The following LRP1B variants were observed in gnomAD, a reference collection of about 807,000 sequenced individuals.
LRP1B encodes LDL receptor related protein 1B, also known as low-density lipoprotein receptor-related protein 1B.
A neutral mutation model predicts 556.6 loss-of-function variants in LRP1B; 217 were observed. That is an observed-to-expected ratio of 0.39 (90% CI 0.35 to 0.44). LRP1B has a LOEUF of 0.44. LRP1B is among the 20% of genes least tolerant of loss of function. LRP1B has a pLI of 1.00. For synonymous variants in LRP1B, 2,047 were observed against 1,865.8 expected (o/e 1.10, Z -2.50); for missense variants, 5,053 against 5,620.8 (o/e 0.90, Z 3.23).
chr2:141,927,491 A>G (rs538465413), intron 1 of LRP1B, among the ~76,000 whole-genome samples: 3 of 152,268 alleles, frequency 2.0e-5, no homozygotes, highest in East Asian at 3.9e-4. Context: ...TTCTTATTAT[A>G]TGGTAGACAT....
Position 141,199,110 on chromosome 2 carries a change from T to C in LRP1B, c.851-10527A>G, listed in dbSNP as rs538782972. On this transcript the variant is annotated intron_variant, in intron 6 of 90. Transcript: ENST00000389484. ...ATGACACCATAGAAGAAATCAGTGC[T>C]CCTTGTGATCAGGGTTCTGTTTCAG... 3.8e-4 allele frequency among the ~76,000 whole-genome samples: 58 copies of C among 152,234 alleles called. 1 individual carries two copies. Among genetic ancestry groups the C allele is most frequent in the Admixed American group, 3.8e-3 (58 of 15,272 alleles).
chr2:140,449,887 G>T (rs1348707170), intron 63 of LRP1B, among the ~76,000 whole-genome samples: 1 of 152,144 alleles, frequency 6.6e-6, no homozygotes, highest in South Asian at 2.1e-4. Flanking sequence ...CAATCTGACA[G>T]TGAAGTATTG....
chr2:140,264,827 A>T (rs1322788876), intron 86 of LRP1B, among the ~76,000 whole-genome samples: 1 of 152,046 alleles, frequency 6.6e-6, no homozygotes, highest in Non-Finnish European at 1.5e-5. Flanking sequence ...TATGTGCCAC[A>T]CACAGGGATA....
intron 35 of LRP1B, among the ~76,000 whole-genome samples, chr2:140,765,755 A>G (rs1689080702): frequency 6.6e-6 from 1 of 152,182 alleles, no homozygotes; most frequent in Non-Finnish European, 1.5e-5. Flanking sequence ...GTTAATTCTT[A>G]TGAAATGCAC....
intron 7 of LRP1B, among the ~76,000 whole-genome samples, chr2:141,074,587 C>CTATATA (rs1457349404): frequency 1.7e-3 from 144 of 85,688 alleles, no homozygotes; most frequent in African/African-American, 5.1e-3. Context: ...CTCTCTCTCT[C>CTATATA]TCTATATATA....
At chr2:141,182,218 G>A (rs1681031360) in intron 7 of LRP1B, among the ~76,000 whole-genome samples, 1 of 151,964 alleles carries the variant, frequency 6.6e-6, no homozygotes, top group Non-Finnish European at 1.5e-5. Flanking sequence ...AAAATATTTA[G>A]ATATTTAATA....
rs1259210165 is a variant in LRP1B at position 140,335,672 on chromosome 2, C to G, written c.12059G>C (p.Arg4020Thr). The change falls in exon 78 of 91, where the codon AGA becomes ACA. Residue 4020 changes from arginine (R) to threonine (T), a missense_variant. By Grantham distance (71) the Arg-to-Thr change is moderately conservative. This residue lies in a region of LRP1B where 599 missense variants were observed against 648.4 expected (regional missense o/e 0.92). Transcript: ENST00000389484. ...VGQLNGPNCT[R>T]LLTNMAGEPY... ...TTCTCCAGCCATATTTGTTAAGAGT[C>G]TGGTGCAGTTGGGGCCATTCAGCTG... The G allele has an allele frequency of 2.5e-6, 4 of 1,612,714 alleles. No individual in the cohort carries two copies. The highest frequency in any genetic ancestry group is 3.4e-6 in the Non-Finnish European group (4 of 1,179,176).
intron 10 of LRP1B, among the ~76,000 whole-genome samples, chr2:141,052,226 G>A (rs1574024042): frequency 6.6e-6 from 1 of 151,624 alleles, no homozygotes; most frequent in East Asian, 1.9e-4. Flanking sequence ...GATGTCAAGG[G>A]CATTTCTTTT....
At chr2:141,331,312 A>T (rs887377101) in intron 3 of LRP1B, among the ~76,000 whole-genome samples, 38 of 152,176 alleles carry the variant, frequency 2.5e-4, no homozygotes, top group East Asian at 1.9e-4. Context: ...AATGAATTTT[A>T]AAAAAGTATT....
At chr2:140,391,439 A>G (rs898086867) in intron 66 of LRP1B, among the ~76,000 whole-genome samples, 1 of 152,148 alleles carries the variant, frequency 6.6e-6, no homozygotes, top group Non-Finnish European at 1.5e-5. Context: ...AAGTTTCTGT[A>G]TCTTGTTTTG....
chr2:141,075,711 G>A (rs1699769256), intron 7 of LRP1B, among the ~76,000 whole-genome samples: 4 of 152,248 alleles, frequency 2.6e-5, no homozygotes, highest in Admixed American at 2.6e-4. Context: ...TAACACAGAT[G>A]GCTGTCTCAA....
At chr2:141,706,415 C>A (rs1055058053) in intron 2 of LRP1B, among the ~76,000 whole-genome samples, 6 of 152,068 alleles carry the variant, frequency 3.9e-5, no homozygotes, top group Admixed American at 2.0e-4. Context: ...AGGAAATCCT[C>A]AGTAAACATT....
chr2:141,323,974 T>A (rs1482743859), intron 3 of LRP1B, among the ~76,000 whole-genome samples: 35 of 32,048 alleles, frequency 1.1e-3, no homozygotes, highest in South Asian at 2.1e-3. Flanking sequence ...ATACATGTAC[T>A]CACATACCTG....
chr2:141,407,110 A>G (rs1433249934), intron 3 of LRP1B, among the ~76,000 whole-genome samples: 1 of 141,820 alleles, frequency 7.1e-6, no homozygotes, highest in Middle Eastern at 3.3e-3. Context: ...GAAGAAGCAC[A>G]TACTTTTTGG....
chr2:140,718,242 G>A (rs72981838), intron 35 of LRP1B, among the ~76,000 whole-genome samples: 3,236 of 151,768 alleles, frequency 0.021, 98 homozygotes, highest in African/African-American at 0.072. Context: ...CCCTTTCCAC[G>A]GTGGTGTGAT....
intron 85 of LRP1B, among the ~76,000 whole-genome samples, chr2:140,273,829 CAT>C (rs1239845520): frequency 6.6e-6 from 1 of 151,958 alleles, no homozygotes; most frequent in Non-Finnish European, 1.5e-5. Context: ...TTCTGTTTTC[CAT>C]TCACTTAATC....
intron 2 of LRP1B, among the ~76,000 whole-genome samples, chr2:141,651,537 T>C (rs1200132058): frequency 6.6e-6 from 1 of 152,068 alleles, no homozygotes; most frequent in African/African-American, 2.4e-5. Flanking sequence ...TGGTGGTGCA[T>C]GCCTGTAATA....
At chr2:141,910,656 A>G (rs1267695842) in intron 1 of LRP1B, among the ~76,000 whole-genome samples, 3 of 152,112 alleles carry the variant, frequency 2.0e-5, no homozygotes, top group Admixed American at 6.6e-5. Flanking sequence ...TAGTTTATCT[A>G]TGATACAGTG....
chr2:140,638,033 T>G (rs888671847), intron 41 of LRP1B, among the ~76,000 whole-genome samples: 2 of 152,206 alleles, frequency 1.3e-5, no homozygotes, highest in African/African-American at 4.8e-5. Context: ...AGCATGATAT[T>G]ATAGTTTTAA....
Sources: allele counts gnomAD v4.1 joint callset (sites outside exome capture counted in the v4.1 genomes callset), GRCh38; gene constraint gnomAD v4.1.1; regional missense constraint gnomAD v4.1.1; transcripts MANE v1.5; gene names NCBI Gene and HGNC (gene_info 2026-07-23, HGNC 2026-07-21).